The following LRRTM3 variants were observed in gnomAD, a reference collection of about 807,000 sequenced individuals.
LRRTM3 encodes the protein leucine rich repeat transmembrane neuronal 3.
LRRTM3 carries 24 observed loss-of-function variants against 44.7 expected under a neutral mutation model. The observed-to-expected ratio is 0.54, with a 90% confidence interval of 0.39 to 0.76. The LOEUF (loss-of-function observed/expected upper bound fraction) is 0.76. Among genes scored for constraint, LRRTM3 ranks in the 30% least tolerant of loss-of-function variants. LRRTM3 has a pLI of 0.00. For missense variants in LRRTM3, 587 were observed against 702.2 expected, an observed-to-expected ratio of 0.84 and a Z score of 1.85; for synonymous variants, 277 against 278.7, an observed-to-expected ratio of 0.99 and a Z score of 0.06.
chr10:67,065,166 T>C (rs1228842528), intron 2 of LRRTM3, among the ~76,000 whole-genome samples: 1 of 152,140 alleles, frequency 6.6e-6, no homozygotes, highest in Non-Finnish European at 1.5e-5. Context: ...ACTGTATGTA[T>C]TTATTTTTTC....
rs184940871 is a variant in LRRTM3, at chr10:67,092,108, T to C, written c.1537-5479T>C. Among the ~76,000 whole-genome samples, 346 of 152,074 alleles carry C rather than the reference T, an allele frequency of 2.3e-3. 1 individual carries two copies. The highest frequency in any genetic ancestry group is 6.8e-3 in the Middle Eastern group (2 of 292). On this transcript the variant is annotated intron_variant, in intron 2 of 2. Transcript: ENST00000361320. ...GTGACAAGGACTACATCTAAAAAAC[T>C]GAATTTCTTCATTAAGAAGTCTGTT... is the stretch of plus-strand genomic sequence containing the variant.
At chr10:66,977,530 A>T (rs1850119561) in intron 2 of LRRTM3, among the ~76,000 whole-genome samples, 1 of 152,322 alleles carries the variant, frequency 6.6e-6, no homozygotes, top group East Asian at 1.9e-4. Flanking sequence ...CTCTGTTAAG[A>T]GCTCACAGAA....
rs1437563245 is a variant in LRRTM3, at chr10:66,978,541, A to ATAAAAT, written c.1536+50089_1536+50090insTAAAAT. 6.2e-3 allele frequency among the ~76,000 whole-genome samples: 683 copies of ATAAAAT among 110,952 alleles called. 8 individuals are homozygous for ATAAAAT. The highest frequency in any genetic ancestry group is 0.015 in the Middle Eastern group (3 of 196). The allele number at this position is 110,952 out of a possible 152,430, so 72.8% of individuals were successfully genotyped here. A position where few individuals can be genotyped will look rare whatever the true frequency, so the allele number is the denominator to read the frequency against. ...GACTCCATCTCAAAAAAAAAAAAAA[A>ATAAAAT]AAAAAAAAAAAATATATATATATAT... is the stretch of plus-strand genomic sequence containing the variant. On this transcript the variant is annotated intron_variant, in intron 2 of 2. Coordinates refer to ENST00000361320, the MANE Select transcript of LRRTM3 (RefSeq NM_178011.5).
intron 2 of LRRTM3, among the ~76,000 whole-genome samples, chr10:67,080,706 G>A (rs1344091002): frequency 1.3e-5 from 2 of 151,854 alleles, no homozygotes; most frequent in African/African-American, 4.8e-5. Context: ...TCAGGAGATC[G>A]AGACCATCCT....
At chr10:67,085,972 C>A (rs1196242730) in intron 2 of LRRTM3, among the ~76,000 whole-genome samples, 2 of 151,972 alleles carry the variant, frequency 1.3e-5, no homozygotes, top group Non-Finnish European at 2.9e-5. Context: ...CCACTCTCAT[C>A]ATATCCTACA....
At chr10:67,052,875 G>C (rs1179579751) in intron 2 of LRRTM3, among the ~76,000 whole-genome samples, 1 of 152,082 alleles carries the variant, frequency 6.6e-6, no homozygotes. Context: ...CTAAATGTAA[G>C]TTTCGTAAAT....
intron 2 of LRRTM3, among the ~76,000 whole-genome samples, chr10:67,081,231 G>C (rs1369365527): frequency 6.6e-6 from 1 of 152,118 alleles, no homozygotes; most frequent in Admixed American, 6.5e-5. Flanking sequence ...TGTTGGCAGG[G>C]CATTTAAAAT....
At chr10:66,994,479 A>G (rs1851218928) in intron 2 of LRRTM3, among the ~76,000 whole-genome samples, 1 of 152,332 alleles carries the variant, frequency 6.6e-6, no homozygotes, top group East Asian at 1.9e-4. Flanking sequence ...AATATCTGCA[A>G]TTCCTAGTTT....
chr10:67,096,102 T>C (rs749603094), intron 2 of LRRTM3, among the ~76,000 whole-genome samples: 9 of 151,866 alleles, frequency 5.9e-5, no homozygotes, highest in Non-Finnish European at 8.8e-5. Flanking sequence ...TTTCATTTAA[T>C]AAGCTGGATT....
chr10:67,018,659 C>T (rs1364340602), intron 2 of LRRTM3, among the ~76,000 whole-genome samples: 2 of 152,182 alleles, frequency 1.3e-5, no homozygotes, highest in East Asian at 3.8e-4. Flanking sequence ...ACCTACTAGC[C>T]TTTTTAACCG....
At position 67,045,246 on chromosome 10, in the gene LRRTM3, C is replaced by T. The variant is rs182078661; in HGVS notation, c.1537-52341C>T. Among the ~76,000 whole-genome samples, 110 of 152,160 alleles carry T rather than the reference C, an allele frequency of 7.2e-4. 1 individual carries two copies. The highest frequency in any genetic ancestry group is 2.6e-3 in the African/African-American group (106 of 41,504). ...TACTCTACCAACATTTATTAAATAC[C>T]TGTTTTGTGACAGTAGAGTATAAAC... On this transcript the variant is annotated intron_variant, in intron 2 of 2. Transcript: ENST00000361320.
chr10:66,951,122 C>G (rs1293418227), intron 2 of LRRTM3, among the ~76,000 whole-genome samples: 1 of 140,736 alleles, frequency 7.1e-6, no homozygotes, highest in Admixed American at 7.1e-5. Context: ...CACACACTGT[C>G]TTTTTTTTTT....
chr10:66,935,587 G>A (rs148706742), intron 2 of LRRTM3, among the ~76,000 whole-genome samples: 67 of 151,850 alleles, frequency 4.4e-4, no homozygotes, highest in Non-Finnish European at 7.5e-4. Context: ...TATTACATAC[G>A]TATTTGTATT....
intron 2 of LRRTM3, among the ~76,000 whole-genome samples, chr10:67,089,377 TA>T: frequency 6.6e-6 from 1 of 152,228 alleles, no homozygotes; most frequent in Middle Eastern, 3.4e-3. Flanking sequence ...AGTGCTTTCT[TA>T]AAAAATAATT....
intron 2 of LRRTM3, among the ~76,000 whole-genome samples, chr10:67,007,143 T>C (rs372328250): frequency 8.0e-4 from 122 of 152,282 alleles, no homozygotes; most frequent in South Asian, 1.5e-3. Flanking sequence ...CACTGTAGGT[T>C]CAAGAGCATT....
At chr10:66,936,588 GTCAGAAAGTC>G (rs1847709160) in intron 2 of LRRTM3, among the ~76,000 whole-genome samples, 2 of 152,116 alleles carry the variant, frequency 1.3e-5, no homozygotes, top group Admixed American at 1.3e-4. Flanking sequence ...TGTTGATCCT[GTCAGAAAGTC>G]ACAGGGTCAG....
chr10:67,064,150 A>G (rs1039752233), intron 2 of LRRTM3, among the ~76,000 whole-genome samples: 26 of 152,146 alleles, frequency 1.7e-4, no homozygotes, highest in African/African-American at 6.0e-4. Context: ...TTTTTCATGA[A>G]TATGATAACT....
At position 67,097,713 on chromosome 10, in the gene LRRTM3, G is replaced by A. The variant is rs772955856; in HGVS notation, c.1663G>A (p.Glu555Lys). ...AACGAATGCACAGGAAGATACGATGGAAACACACCTAGAGACTGAGCTGGA... is the reference window on the plus strand; with the variant it reads ...AACGAATGCACAGGAAGATACGATGAAAACACACCTAGAGACTGAGCTGGA... The part of the protein sequence containing the change: ...FETNAQEDTM[E>K]THLETELDLS... The change falls in exon 3 of 3, where the codon GAA becomes AAA. Residue 555 changes from glutamate (E) to lysine (K), a missense_variant. Glu to Lys is a moderately conservative substitution (Grantham distance 56). This residue lies in a region of LRRTM3 where 315 missense variants were observed against 335.6 expected (regional missense o/e 0.94). Transcript: ENST00000361320. 1 of 1,612,634 alleles carries A rather than the reference G, an allele frequency of 6.2e-7. No homozygotes were observed. Among genetic ancestry groups the A allele is most frequent in the Non-Finnish European group, 8.5e-7 (1 of 1,179,054 alleles).
chr10:66,976,465 T>C (rs1264701929), intron 2 of LRRTM3, among the ~76,000 whole-genome samples: 1 of 152,188 alleles, frequency 6.6e-6, no homozygotes, highest in Non-Finnish European at 1.5e-5. Flanking sequence ...TCATCTCTTT[T>C]TCTATAGATT....
Sources: allele counts gnomAD v4.1 joint callset (sites outside exome capture counted in the v4.1 genomes callset), GRCh38; gene constraint gnomAD v4.1.1; regional missense constraint gnomAD v4.1.1; transcripts MANE v1.5; gene names NCBI Gene and HGNC (gene_info 2026-07-23, HGNC 2026-07-21).